CMIP: variants seen among roughly 807,000 people sequenced by gnomAD.
CMIP encodes the protein C-Maf-inducing protein.
A neutral mutation model predicts 97.3 loss-of-function variants in CMIP; 13 were observed. That is an observed-to-expected ratio of 0.13 (90% CI 0.09 to 0.21). The LOEUF is 0.21. Ranked by LOEUF, CMIP falls within the 10% of genes least tolerant of loss-of-function variation. The pLI is 1.00. For missense variants in CMIP, 847 were observed against 1,024.9 expected (o/e 0.83, Z 2.37); for synonymous variants, 538 against 436.3 (o/e 1.23, Z -2.91).
intron 1 of CMIP, among the ~76,000 whole-genome samples, chr16:81,598,684 C>T (rs766185735): frequency 9.9e-5 from 15 of 152,068 alleles, no homozygotes; most frequent in African/African-American, 2.4e-4. Flanking sequence ...CAGTAACGTT[C>T]GGCTGGGCAT....
At position 81,652,312 on chromosome 16, in the gene CMIP, A is replaced by G; in HGVS notation, c.587A>G (p.Asp196Gly). 6.2e-7 allele frequency: 1 copy of G among 1,613,932 alleles called. No homozygotes were observed. Among genetic ancestry groups the G allele is most frequent in the Non-Finnish European group, 8.5e-7 (1 of 1,179,850 alleles). Residue 196 changes from aspartate (D) to glycine (G), a missense_variant, in exon 4 of 21, where the codon GAT becomes GGT. Coordinates refer to ENST00000537098, the MANE Select transcript of CMIP (RefSeq NM_198390.3). The surrounding 1 kb of genome is among the most constrained non-coding windows in gnomAD (Gnocchi z 5.2). ...ATGGCCCTGACATCCCCCCTGCAGG[A>G]TGACTCCATCAACCAGGCCCCACTG... ...VDMALTSPLQ[D>G]DSINQAPLEI...
intron 1 of CMIP, among the ~76,000 whole-genome samples, chr16:81,581,504 A>G (rs2091295861): frequency 6.6e-6 from 1 of 152,186 alleles, no homozygotes; most frequent in Non-Finnish European, 1.5e-5. Flanking sequence ...AAACATAGAA[A>G]AGGCACAGTA....
chr16:81,457,413 A>T (rs973748882), intron 1 of CMIP, among the ~76,000 whole-genome samples: 3 of 152,152 alleles, frequency 2.0e-5, no homozygotes, highest in Non-Finnish European at 4.4e-5. Context: ...ACCACCTGGA[A>T]ATCACCCGTA....
intron 1 of CMIP, among the ~76,000 whole-genome samples, chr16:81,501,628 C>G (rs1470007797): frequency 2.1e-5 from 2 of 96,406 alleles, no homozygotes; most frequent in Non-Finnish European, 4.2e-5. Context: ...TTTTTTTTTT[C>G]TGAGACGGTG....
chr16:81,448,627 C>G (rs575534893), intron 1 of CMIP, among the ~76,000 whole-genome samples: 45 of 152,384 alleles, frequency 3.0e-4, no homozygotes, highest in Admixed American at 2.2e-3. Flanking sequence ...GGGCCAGTTA[C>G]TGATTAAATC....
At chr16:81,699,221 A>C (rs953774856) in intron 14 of CMIP, among the ~76,000 whole-genome samples, 4 of 152,074 alleles carry the variant, frequency 2.6e-5, no homozygotes, top group African/African-American at 9.7e-5. Context: ...ACCACTACAC[A>C]CTCCAGCCTG....
intron 1 of CMIP, among the ~76,000 whole-genome samples, chr16:81,471,057 G>T (rs1907501084): frequency 6.6e-6 from 1 of 151,846 alleles, no homozygotes; most frequent in South Asian, 2.1e-4. Context: ...CAGGCACAAT[G>T]CGTGCATACA....
intron 1 of CMIP, among the ~76,000 whole-genome samples, chr16:81,557,502 GTT>G (rs1393088424): frequency 1.3e-5 from 2 of 152,156 alleles, no homozygotes; most frequent in Non-Finnish European, 2.9e-5. Context: ...TTTAATATAT[GTT>G]TATAATGTGG....
At chr16:81,693,530 T>G in intron 13 of CMIP, 43 bp downstream of exon 13, 15 of 1,594,384 alleles carry the variant, frequency 9.4e-6, no homozygotes, top group Non-Finnish European at 1.3e-5. Flanking sequence ...TGTCTGGGGA[T>G]GGCAGGATGC....
chr16:81,640,977 G>A (rs1185541796), intron 3 of CMIP, among the ~76,000 whole-genome samples: 2 of 152,100 alleles, frequency 1.3e-5, no homozygotes, highest in Admixed American at 6.6e-5. Context: ...TGTGACCTGG[G>A]CAAGGTGTGA....
At chr16:81,536,737 C>T (rs1162764560) in intron 1 of CMIP, among the ~76,000 whole-genome samples, 1 of 152,070 alleles carries the variant, frequency 6.6e-6, no homozygotes, top group Non-Finnish European at 1.5e-5. Flanking sequence ...GATGAGGAAA[C>T]TGAGGCACTG....
intron 1 of CMIP, among the ~76,000 whole-genome samples, chr16:81,530,854 A>C (rs1260844138): frequency 3.9e-5 from 6 of 152,138 alleles, no homozygotes; most frequent in Non-Finnish European, 5.9e-5. Context: ...CTTCTGCATA[A>C]AAAAGAAATT....
intron 16 of CMIP, 111 bp from the exon 17 acceptor site, chr16:81,702,511 G>A: frequency 6.1e-6 from 7 of 1,141,196 alleles, no homozygotes; most frequent in South Asian, 4.0e-5. Flanking sequence ...GTGTTGCCTT[G>A]TACCACCAAG....
intron 1 of CMIP, among the ~76,000 whole-genome samples, chr16:81,492,313 C>T (rs556376887): frequency 2.4e-4 from 36 of 152,322 alleles, no homozygotes; most frequent in Non-Finnish European, 3.8e-4. Context: ...ATTAACTTCA[C>T]GTGTTGAAAA....
At chr16:81,668,140 G>T (rs960412821) in intron 7 of CMIP, among the ~76,000 whole-genome samples, 16 of 152,258 alleles carry the variant, frequency 1.1e-4, no homozygotes, top group African/African-American at 3.9e-4. Flanking sequence ...AAGTCCTGAT[G>T]CAGGCTGCTC....
At chr16:81,520,869 G>T (rs1307665895) in intron 1 of CMIP, among the ~76,000 whole-genome samples, 1 of 152,152 alleles carries the variant, frequency 6.6e-6, no homozygotes, top group Non-Finnish European at 1.5e-5. Flanking sequence ...GCTGCTTCTG[G>T]GAGGGCCTAA....
intron 1 of CMIP, among the ~76,000 whole-genome samples, chr16:81,546,978 T>A (rs1438786008): frequency 1.3e-5 from 2 of 152,104 alleles, no homozygotes; most frequent in African/African-American, 2.4e-5. Context: ...GGTGCTGGGC[T>A]GCAAAGGCCA....
chr16:81,705,374 C>A, intron 18 of CMIP, 125 bp from the exon 19 acceptor site: 1 of 659,064 alleles, frequency 1.5e-6, no homozygotes, highest in Non-Finnish European at 2.6e-6. Context: ...GACCCCAGGG[C>A]TTGGTGGGCC....
chr16:81,637,101 G>A (rs1319197395), intron 3 of CMIP, among the ~76,000 whole-genome samples: 2 of 151,896 alleles, frequency 1.3e-5, no homozygotes, highest in South Asian at 2.1e-4. Context: ...ACAGAGTTTC[G>A]CTCTTGTTGC....
Sources: allele counts gnomAD v4.1 joint callset (sites outside exome capture counted in the v4.1 genomes callset), GRCh38; gene constraint gnomAD v4.1.1; non-coding constraint Gnocchi (gnomAD v3.1); transcripts MANE v1.5; gene names NCBI Gene and HGNC (gene_info 2026-07-23, HGNC 2026-07-21).